Variants in CDH18 observed in about 807,000 individuals in gnomAD.
CDH18 encodes cadherin 18, also known as cadherin-18.
CDH18 carries 31 observed loss-of-function variants against 67.9 expected under a neutral mutation model. The ratio of observed to expected loss-of-function variants is 0.46; its 90% CI spans 0.34 to 0.62. The LOEUF (loss-of-function observed/expected upper bound fraction) is 0.62, where lower values mean the gene tolerates loss of function less well. CDH18 is among the 20% of genes least tolerant of loss of function. The probability of loss-of-function intolerance (pLI) is 0.01; values close to 1 mark genes in which losing one functional copy is unlikely to be tolerated. For synonymous variants in CDH18, 362 were observed against 347.2 expected (o/e 1.04, Z -0.48); for missense variants, 890 against 975.5 (o/e 0.91, Z 1.17).
At chr5:20,575,348 G>GTGC (rs1345108557) in intron 1 of CDH18, 1 of 151,984 alleles carries the variant, frequency 6.6e-6, no homozygotes, top group Non-Finnish European at 1.5e-5. Context: ...CTTGTGTATA[G>GTGC]AATTTACTTT....
intron 3 of CDH18, among the ~76,000 whole-genome samples, chr5:19,820,127 C>T (rs1413121381): frequency 6.6e-6 from 1 of 152,130 alleles, no homozygotes; most frequent in African/African-American, 2.4e-5. Flanking sequence ...ACTCTCAGAA[C>T]ATTGAAACCA....
intron 2 of CDH18, among the ~76,000 whole-genome samples, chr5:19,958,708 C>T (rs1796510786): frequency 6.6e-6 from 1 of 152,106 alleles, no homozygotes; most frequent in Non-Finnish European, 1.5e-5. Context: ...ATCCTTTCAT[C>T]TCTATATCCT....
chr5:20,395,911 T>C (rs912984721), intron 1 of CDH18, among the ~76,000 whole-genome samples: 2 of 151,900 alleles, frequency 1.3e-5, no homozygotes, highest in Non-Finnish European at 2.9e-5. Flanking sequence ...TCCTGGAGAG[T>C]GGCAAGCTTA....
intron 2 of CDH18, among the ~76,000 whole-genome samples, chr5:19,967,309 G>C (rs918674564): frequency 6.6e-6 from 1 of 152,052 alleles, no homozygotes; most frequent in Admixed American, 6.6e-5. Flanking sequence ...TGACCTTAAA[G>C]AAATCATGGT....
In CDH18 at chr5:19,920,536, C is replaced by A. The variant is rs190014150; in HGVS notation, c.-257+60524G>T. On this transcript the variant is annotated intron_variant, in intron 2 of 12. Coordinates refer to ENST00000382275, the MANE Select transcript of CDH18 (RefSeq NM_004934.5). ...TTTTTTTTTTTTTTTTTTTTTCAGA[C>A]GGTGTCTTGCCCTGTCGCCTAGTCT... is the stretch of plus-strand genomic sequence containing the variant. 2.9e-3 allele frequency among the ~76,000 whole-genome samples: 364 copies of A among 126,546 alleles called. 2 individuals carry two copies. The highest frequency in any genetic ancestry group is 0.01 in the African/African-American group (344 of 33,948). The allele number at this position is 126,546 out of a possible 152,430, so 83.0% of individuals were successfully genotyped here.
At chr5:19,552,178 A>G (rs1346968689) in intron 8 of CDH18, among the ~76,000 whole-genome samples, 1 of 152,138 alleles carries the variant, frequency 6.6e-6, no homozygotes, top group African/African-American at 2.4e-5. Flanking sequence ...TGGATTTCTA[A>G]TACTATGCTT....
chr5:20,234,401 T>C (rs929410027), intron 2 of CDH18, among the ~76,000 whole-genome samples: 2 of 151,918 alleles, frequency 1.3e-5, no homozygotes, highest in African/African-American at 4.8e-5. Context: ...AAACGATGCA[T>C]TTTTTATAAT....
chr5:20,117,637 C>A (rs1385932996), intron 2 of CDH18, among the ~76,000 whole-genome samples: 3 of 151,992 alleles, frequency 2.0e-5, no homozygotes, highest in Non-Finnish European at 4.4e-5. Context: ...GAAGTGAATG[C>A]AAATTAAAAT....
At chr5:19,819,505 C>T (rs1779632540) in intron 3 of CDH18, among the ~76,000 whole-genome samples, 1 of 152,124 alleles carries the variant, frequency 6.6e-6, no homozygotes. Context: ...TATATGGAGT[C>T]TCCAAGTGTC....
intron 2 of CDH18, among the ~76,000 whole-genome samples, chr5:20,067,651 C>T (rs1425560540): frequency 1.3e-5 from 2 of 152,040 alleles, no homozygotes; most frequent in African/African-American, 4.8e-5. Flanking sequence ...AGCAAAGCTA[C>T]CAGGCCATTA....
intron 2 of CDH18, among the ~76,000 whole-genome samples, chr5:19,926,569 T>G (rs1793111835): frequency 6.6e-6 from 1 of 152,160 alleles, no homozygotes; most frequent in Admixed American, 6.6e-5. Context: ...TAAATTCCAG[T>G]ATTTAATTTC....
intron 2 of CDH18, among the ~76,000 whole-genome samples, chr5:20,216,466 A>G (rs1052357706): frequency 1.3e-5 from 2 of 152,008 alleles, no homozygotes; most frequent in Admixed American, 6.6e-5. Flanking sequence ...TCCATAAATA[A>G]AAGTAGGAAC....
At chr5:20,142,581 G>GAA (rs1441172760) in intron 2 of CDH18, among the ~76,000 whole-genome samples, 3 of 128,660 alleles carry the variant, frequency 2.3e-5, no homozygotes, top group Non-Finnish European at 3.3e-5. Flanking sequence ...CTCTGCCTCA[G>GAA]AAAAAAAAAA....
Position 19,699,611 on chromosome 5 carries a change from CAT to C in CDH18, c.643+21734_643+21735del, listed in dbSNP as rs747595749. Among the ~76,000 whole-genome samples, 244 of 93,776 alleles carry C rather than the reference CAT, an allele frequency of 2.6e-3. 1 individual carries two copies. The highest frequency in any genetic ancestry group is 0.016 in the East Asian group (40 of 2,468). The allele number at this position is 93,776 out of a possible 152,430, so 61.5% of individuals were successfully genotyped here. On this transcript the variant is annotated intron_variant, in intron 5 of 12. Coordinates refer to ENST00000382275, the MANE Select transcript of CDH18 (RefSeq NM_004934.5). ...GAGAGAGATGATGTCTCTCTTTCTC[CAT>C]GTGTGTGTGTGTGTGTGTGTGTGTG...
At chr5:20,107,576 G>A (rs570583791) in intron 2 of CDH18, among the ~76,000 whole-genome samples, 5 of 152,050 alleles carry the variant, frequency 3.3e-5, no homozygotes, top group Non-Finnish European at 7.4e-5. Context: ...CACAGATTGG[G>A]TGGCTTAAAC....
At chr5:19,758,455 C>T (rs1428974082) in intron 3 of CDH18, among the ~76,000 whole-genome samples, 1 of 152,232 alleles carries the variant, frequency 6.6e-6, no homozygotes, top group Non-Finnish European at 1.5e-5. Context: ...GCCACTGACA[C>T]CTCAAGCACC....
At chr5:20,556,430 A>T (rs1380534048) in intron 1 of CDH18, among the ~76,000 whole-genome samples, 1 of 152,152 alleles carries the variant, frequency 6.6e-6, no homozygotes, top group African/African-American at 2.4e-5. Context: ...GTGATGCTCA[A>T]TTCTAGACAC....
chr5:19,487,693 T>C (rs750606969), intron 11 of CDH18, among the ~76,000 whole-genome samples: 11 of 152,164 alleles, frequency 7.2e-5, no homozygotes, highest in Non-Finnish European at 1.5e-4. Context: ...GCATTATTTA[T>C]TTTGTTATGT....
chr5:20,287,776 G>A (rs1746794110), intron 1 of CDH18, among the ~76,000 whole-genome samples: 1 of 133,768 alleles, frequency 7.5e-6, no homozygotes, highest in African/African-American at 2.6e-5. Flanking sequence ...GCATTCATGT[G>A]AAACAAATCA....
Sources: allele counts gnomAD v4.1 joint callset (sites outside exome capture counted in the v4.1 genomes callset), GRCh38; gene constraint gnomAD v4.1.1; transcripts MANE v1.5; gene names NCBI Gene and HGNC (gene_info 2026-07-23, HGNC 2026-07-21).